Variants in GRIN2D observed in about 807,000 individuals in gnomAD.
GRIN2D encodes the protein glutamate ionotropic receptor NMDA type subunit 2D.
Under a neutral mutation model 103.2 loss-of-function variants are expected in GRIN2D, and 37 were observed. The observed-to-expected ratio is 0.36, with a 90% CI of 0.28 to 0.47. GRIN2D has a LOEUF of 0.47. GRIN2D is among the 20% of genes least tolerant of loss of function. GRIN2D has a pLI of 1.00. For synonymous variants in GRIN2D, 845 were observed against 885.6 expected (o/e 0.95, Z 0.81); for missense variants, 1,557 against 1,910.6 (o/e 0.81, Z 3.45).
chr19:48,398,427 G>T lies in GRIN2D; in HGVS notation c.35G>T (p.Gly12Val), dbSNP rs1970668701. The T allele has an allele frequency of 8.9e-7, 1 of 1,119,494 alleles. No homozygotes were observed. Among genetic ancestry groups the T allele is most frequent in the Non-Finnish European group, 1.1e-6 (1 of 916,980 alleles). The allele number at this position is 1,119,494 out of a possible 1,614,324, so 69.3% of individuals were successfully genotyped here. A position where few individuals can be genotyped will look rare whatever the true frequency, so the allele number is the denominator to read the frequency against. ...RGAGGPRGPR[G>V]PAKMLLLLAL... ...GCCGGTGGCCCCCGCGGCCCTCGGG[G>T]CCCCGCTAAGATGCTGCTGCTGCTG... The change falls in exon 3 of 14, where the codon GGC becomes GTC. Residue 12 changes from glycine to valine, a missense_variant. This residue lies in a region of GRIN2D where 490 missense variants were observed against 601.1 expected (regional missense o/e 0.82). Transcript: ENST00000263269.
At chr19:48,431,889 TTCC>T (rs1157139167) in intron 11 of GRIN2D, among the ~76,000 whole-genome samples, 1 of 149,262 alleles carries the variant, frequency 6.7e-6, no homozygotes. Context: ...CCGGCCTGCT[TTCC>T]TTTCTTTTCT....
In GRIN2D at chr19:48,402,115, GGAAAGAAAGAAA is replaced by G. The variant is rs201781099; in HGVS notation, c.466-2576_466-2565del. On this transcript the variant is annotated intron_variant, in intron 3 of 13. Transcript: ENST00000263269. ...ACTTGAAAGAAAGAGAGAAAGAGAA[GGAAAGAAAGAAA>G]GAAAGAAAGAAAGAAAGAAAGAAAG... 3.5e-3 allele frequency among the ~76,000 whole-genome samples: 305 copies of G among 88,044 alleles called. 1 individual carries two copies. The highest frequency in any genetic ancestry group is 0.011 in the Middle Eastern group (2 of 178). The allele number at this position is 88,044 out of a possible 152,430, so 57.8% of individuals were successfully genotyped here. A position where few individuals can be genotyped will look rare whatever the true frequency, so the allele number is the denominator to read the frequency against.
chr19:48,412,420 GAAAAGAAA>G (rs1970875690), intron 4 of GRIN2D, among the ~76,000 whole-genome samples: 1 of 94,982 alleles, frequency 1.1e-5, no homozygotes, highest in Non-Finnish European at 2.2e-5. Context: ...GAAAGAGAAA[GAAAAGAAA>G]GAAAGAAAGA....
intron 11 of GRIN2D, among the ~76,000 whole-genome samples, chr19:48,436,392 G>A (rs1045025656): frequency 9.9e-5 from 15 of 152,116 alleles, no homozygotes; most frequent in African/African-American, 3.6e-4. Flanking sequence ...GATCCATAGA[G>A]TGTAGGGTCT....
chr19:48,395,538 G>GAGCAC (rs1393877184), intron 2 of GRIN2D, among the ~76,000 whole-genome samples: 4 of 151,994 alleles, frequency 2.6e-5, no homozygotes, highest in African/African-American at 7.3e-5. Flanking sequence ...ACGGGATGCC[G>GAGCAC]TCTGCAGCAC....
intron 3 of GRIN2D, 47 bp from the exon 4 acceptor site, chr19:48,404,687 A>G: frequency 6.5e-7 from 1 of 1,528,806 alleles, no homozygotes; most frequent in Non-Finnish European, 8.8e-7. Context: ...GCTGAGAAAT[A>G]AGGTCCCCAC....
chr19:48,419,169 G>C, intron 8 of GRIN2D, 65 bp from the exon 9 acceptor site: 1 of 1,526,174 alleles, frequency 6.6e-7, no homozygotes, highest in South Asian at 1.2e-5. Context: ...GTGAGGCACC[G>C]CCCCAGCCTG....
At chr19:48,416,648 C>T (rs915976770) in intron 8 of GRIN2D, among the ~76,000 whole-genome samples, 5 of 152,056 alleles carry the variant, frequency 3.3e-5, no homozygotes, top group Non-Finnish European at 7.4e-5. Context: ...ACTGGGAACA[C>T]AGTGGCAAAT....
chr19:48,395,317 C>A (rs778951522), intron 2 of GRIN2D, among the ~76,000 whole-genome samples: 2 of 151,658 alleles, frequency 1.3e-5, no homozygotes, highest in African/African-American at 4.9e-5. Context: ...TCTCTCCTCT[C>A]GCTCTCCCCT....
At chr19:48,427,472 CTTTTTTTT>C (rs1038381293) in intron 11 of GRIN2D, among the ~76,000 whole-genome samples, 93 of 83,248 alleles carry the variant, frequency 1.1e-3, no homozygotes, top group African/African-American at 4.5e-3. Context: ...ATCTTCTTTT[CTTTTTTTT>C]TTTTTTTTTT....
Position 48,398,818 on chromosome 19 carries a change from G to T in GRIN2D, c.426G>T (p.Val142=), listed in dbSNP as rs771135595. The part of the protein sequence containing the change: ...FLSAQTSLPI[V]AVHGGAALVL... ...CGGCGCAGACCTCGCTGCCCATCGT[G>T]GCCGTGCACGGCGGCGCCGCGCTCG... The change falls in exon 3 of 14, where the codon GTG becomes GTT. Residue 142 remains valine (V), a synonymous_variant. Transcript: ENST00000263269. 6.5e-5 allele frequency: 93 copies of T among 1,422,810 alleles called. 1 individual carries two copies. The South Asian group carries it at 9.9e-4, about 15-fold the overall frequency. 88.1% of individuals were successfully genotyped at this position (1,422,810 alleles called of 1,614,324 possible).
rs1251679879 is a variant in GRIN2D, at chr19:48,419,672, C to T, written c.1949C>T (p.Pro650Leu). The T allele has an allele frequency of 6.2e-7, 1 of 1,613,496 alleles. No individual in the cohort carries two copies. The highest frequency in any genetic ancestry group is 1.3e-5 in the African/African-American group (1 of 74,736). Residue 650 changes from proline (P) to leucine (L), a missense_variant, in exon 10 of 14, where the codon CCC (proline) becomes CTC (leucine). Physicochemically the swap from Pro to Leu is moderately conservative, Grantham distance 98. Transcript: ENST00000263269. ...VFNNSVPVEN[P>L]RGTTSKIMVL... Reference sequence around the variant, plus strand: ...AATAATTCGGTGCCCGTGGAGAACCCCCGGGGAACCACCAGCAAAATCATG... The same window carrying T: ...AATAATTCGGTGCCCGTGGAGAACCTCCGGGGAACCACCAGCAAAATCATG...
rs1971029216 is a variant in GRIN2D at position 48,421,886 on chromosome 19, C to T, written c.2193C>T (p.Ser731=). ...NIRSNYPDMH[S]YMVRYNQPRV... is the part of the protein sequence containing the mutation. ...GCAGCAACTATCCCGACATGCACAG[C>T]TACATGGTGCGCTACAACCAGCCCC... The change falls in exon 11 of 14, where the codon AGC becomes AGT. Residue 731 remains serine, a synonymous_variant. Coordinates refer to ENST00000263269, the MANE Select transcript of GRIN2D (RefSeq NM_000836.4). This position sits in a 1 kb window ranked among gnomAD's most constrained non-coding sequence, Gnocchi z 4.8. 1 of 1,614,020 alleles carries T rather than the reference C, an allele frequency of 6.2e-7. No homozygotes were observed. Among genetic ancestry groups the T allele is most frequent in the African/African-American group, 1.3e-5 (1 of 74,924 alleles).
chr19:48,434,886 T>C (rs575470922), intron 11 of GRIN2D, among the ~76,000 whole-genome samples: 32 of 152,258 alleles, frequency 2.1e-4, no homozygotes, highest in African/African-American at 6.7e-4. Flanking sequence ...CAGCCTGGAA[T>C]TGTTTTAATT....
intron 2 of GRIN2D, among the ~76,000 whole-genome samples, chr19:48,395,710 G>A (rs1203276258): frequency 1.3e-5 from 2 of 152,042 alleles, no homozygotes; most frequent in African/African-American, 4.8e-5. Flanking sequence ...GGATCTAAGT[G>A]GGGTGACTAG....
At chr19:48,413,884 T>G in intron 4 of GRIN2D, 107 bp from the exon 5 acceptor site, 1 of 695,284 alleles carries the variant, frequency 1.4e-6, no homozygotes, top group Admixed American at 2.1e-5. Flanking sequence ...GAAGAGAGAT[T>G]CCAGCTGGGG....
Position 48,419,715 on chromosome 19 carries a change from C to T in GRIN2D, c.1992C>T (p.Phe664=). 6.2e-7 allele frequency: 1 copy of T among 1,613,654 alleles called. No individual in the cohort carries two copies. The highest frequency in any genetic ancestry group is 2.2e-5 in the East Asian group (1 of 44,828). ...AAATCATGGTGCTGGTGTGGGCCTT[C>T]TTCGCCGTCATCTTCCTCGCCAGCT... ...TSKIMVLVWA[F]FAVIFLASYT... The change falls in exon 10 of 14, where the codon TTC becomes TTT. Residue 664 remains phenylalanine (F), a synonymous_variant. Coordinates refer to ENST00000263269, the MANE Select transcript of GRIN2D (RefSeq NM_000836.4).
intron 8 of GRIN2D, among the ~76,000 whole-genome samples, chr19:48,417,047 G>A (rs1220491558): frequency 6.6e-6 from 1 of 152,092 alleles, no homozygotes; most frequent in African/African-American, 2.4e-5. Context: ...ACCCGGACAA[G>A]GGTTTTAACT....
At chr19:48,412,162 T>A (rs569917508) in intron 4 of GRIN2D, among the ~76,000 whole-genome samples, 1 of 150,860 alleles carries the variant, frequency 6.6e-6, no homozygotes, top group East Asian at 2.0e-4. Context: ...CCGTCTCTAC[T>A]AAAAAAAATA....
Sources: gnomAD v4.1 joint callset for allele counts (sites outside exome capture counted in the v4.1 genomes callset) on GRCh38, gnomAD v4.1.1 for gene constraint, gnomAD v4.1.1 regional missense constraint, Gnocchi (gnomAD v3.1) non-coding constraint, MANE v1.5 for transcripts, NCBI Gene and HGNC (gene_info 2026-07-23, HGNC 2026-07-21) for gene names.